Variants in LRRC75A observed in about 807,000 individuals in gnomAD.
LRRC75A encodes leucine rich repeat containing 75A.
LRRC75A carries 12 observed loss-of-function variants against 26.0 expected under a neutral mutation model. The observed-to-expected ratio is 0.46, with a 90% CI of 0.30 to 0.75. The LOEUF is 0.75. Among genes scored for constraint, LRRC75A ranks in the 30% least tolerant of loss-of-function variants. The pLI, the probability that LRRC75A is intolerant of heterozygous loss-of-function variation, is 0.08. For synonymous variants in LRRC75A, 223 were observed against 219.3 expected, an observed-to-expected ratio of 1.02 and a Z score of -0.15; for missense variants, 410 against 486.6, an observed-to-expected ratio of 0.84 and a Z score of 1.48.
intron 1 of LRRC75A, among the ~76,000 whole-genome samples, chr17:16,489,535 A>C: frequency 6.6e-6 from 1 of 152,226 alleles, no homozygotes. Context: ...CTGGAATGGA[A>C]AGGAAAATGC....
chr17:16,491,680 CG>C lies in LRRC75A; in HGVS notation c.246+64del. ...CCGGCTTCCTCGGTTAGGGATGGGG[CG>C]CCCCCCCCGGCCCAGCACGCCCCCT... On this transcript the variant is annotated intron_variant, in intron 1 of 3. Coordinates refer to ENST00000470794, the MANE Select transcript of LRRC75A (RefSeq NM_001113567.3). The surrounding 1 kb of genome is among the most constrained non-coding windows in gnomAD (Gnocchi z 5.9). 1 of 1,162,836 alleles carries C rather than the reference CG, an allele frequency of 8.6e-7. No individual in the cohort carries two copies. The highest frequency in any genetic ancestry group is 1.1e-6 in the Non-Finnish European group (1 of 917,720). The allele number at this position is 1,162,836 out of a possible 1,614,324, so 72.0% of individuals were successfully genotyped here.
At chr17:16,482,370 G>C (rs1232726892) in intron 1 of LRRC75A, among the ~76,000 whole-genome samples, 1 of 152,104 alleles carries the variant, frequency 6.6e-6, no homozygotes, top group Non-Finnish European at 1.5e-5. Flanking sequence ...GCCTGGAGGG[G>C]GCACTGCAGG....
At chr17:16,460,221 C>G (rs2093717028) in intron 2 of LRRC75A, among the ~76,000 whole-genome samples, 1 of 152,212 alleles carries the variant, frequency 6.6e-6, no homozygotes, top group African/African-American at 2.4e-5. Flanking sequence ...AGACTTCCAG[C>G]CTTCAGAAGT....
At chr17:16,479,792 A>G (rs1343573823) in intron 1 of LRRC75A, among the ~76,000 whole-genome samples, 1 of 152,192 alleles carries the variant, frequency 6.6e-6, no homozygotes, top group African/African-American at 2.4e-5. Context: ...TTCCTCCAAC[A>G]CTAGGTCATC....
At chr17:16,473,376 G>A (rs2093812278) in intron 1 of LRRC75A, among the ~76,000 whole-genome samples, 1 of 152,124 alleles carries the variant, frequency 6.6e-6, no homozygotes, top group South Asian at 2.1e-4. Flanking sequence ...TGGACGGCAT[G>A]GGAACCCTGT....
intron 2 of LRRC75A, among the ~76,000 whole-genome samples, chr17:16,458,556 G>T (rs1246923529): frequency 6.6e-6 from 1 of 151,700 alleles, no homozygotes; most frequent in East Asian, 2.0e-4. Context: ...ACCTCCGCCT[G>T]CCGGGTTCCA....
chr17:16,481,346 C>T (rs954314728), intron 1 of LRRC75A, among the ~76,000 whole-genome samples: 6 of 152,150 alleles, frequency 3.9e-5, no homozygotes, highest in Admixed American at 1.3e-4. Flanking sequence ...CTCTCCTGCC[C>T]GCTCACAGGA....
At chr17:16,477,353 G>C (rs1426028473) in intron 1 of LRRC75A, among the ~76,000 whole-genome samples, 1 of 152,252 alleles carries the variant, frequency 6.6e-6, no homozygotes, top group Non-Finnish European at 1.5e-5. Context: ...CCAAGGCCAA[G>C]GCCAGACCTC....
chr17:16,463,014 G>A (rs760852896), intron 1 of LRRC75A: 5 of 153,094 alleles, frequency 3.3e-5, no homozygotes, highest in Admixed American at 6.5e-5. Context: ...GTGGGGCCGC[G>A]GCAGAAACCG....
At chr17:16,476,940 G>A (rs367957425) in intron 1 of LRRC75A, among the ~76,000 whole-genome samples, 258 of 151,492 alleles carry the variant, frequency 1.7e-3, no homozygotes, top group African/African-American at 4.8e-3. Context: ...GGGTTTCACC[G>A]TGTTAGCCAG....
chr17:16,476,951 G>A (rs1040234597), intron 1 of LRRC75A, among the ~76,000 whole-genome samples: 9 of 151,158 alleles, frequency 6.0e-5, no homozygotes, highest in South Asian at 2.1e-4. Context: ...TGTTAGCCAG[G>A]ATGGTCTCAA....
intron 1 of LRRC75A, among the ~76,000 whole-genome samples, chr17:16,490,215 C>G (rs1468614310): frequency 6.6e-6 from 1 of 152,196 alleles, no homozygotes; most frequent in Non-Finnish European, 1.5e-5. Flanking sequence ...CCCCAAAGCA[C>G]CCATTGCAGG....
Position 16,466,632 on chromosome 17 carries a change from G to A in LRRC75A, c.247-4246C>T, listed in dbSNP as rs2093770846. ...GCTGGTGGGGAGTGACGCTCGGAGA[G>A]TGTGGCTGGCCTGACACCGAGTCAC... On this transcript the variant is annotated intron_variant, in intron 1 of 3. Coordinates refer to ENST00000470794, the MANE Select transcript of LRRC75A (RefSeq NM_001113567.3). Among the ~76,000 whole-genome samples the A allele has an allele frequency of 1.3e-5, 2 of 152,188 alleles. 1 individual carries two copies. The highest frequency in any genetic ancestry group is 3.8e-4 in the East Asian group (2 of 5,196).
chr17:16,478,190 T>TC (rs2093825590), intron 1 of LRRC75A, among the ~76,000 whole-genome samples: 1 of 150,182 alleles, frequency 6.7e-6, no homozygotes, highest in East Asian at 1.9e-4. Flanking sequence ...TCTTTTTTTT[T>TC]CTTTTTTTTT....
chr17:16,451,630 A>AAAT (rs1034404669), intron 2 of LRRC75A, among the ~76,000 whole-genome samples: 1 of 118,346 alleles, frequency 8.4e-6, no homozygotes, highest in Admixed American at 9.1e-5. Context: ...TCAAAAAAAA[A>AAAT]AATAATAATA....
At chr17:16,484,229 A>G (rs999136331) in intron 1 of LRRC75A, among the ~76,000 whole-genome samples, 7 of 152,094 alleles carry the variant, frequency 4.6e-5, no homozygotes, top group African/African-American at 1.7e-4. Context: ...CCAGCTACTC[A>G]GGAGGCTGAG....
chr17:16,491,717 G>A lies in LRRC75A; in HGVS notation c.246+28C>T, dbSNP rs868202049. 3 of 1,290,722 alleles carry A rather than the reference G, an allele frequency of 2.3e-6. No homozygotes were observed. Among genetic ancestry groups the A allele is most frequent in the South Asian group, 4.1e-5 (2 of 48,382 alleles). The allele number at this position is 1,290,722 out of a possible 1,614,324, so 80.0% of individuals were successfully genotyped here. ...CCCAGCACGCCCCCTGGCCCGGCGC[G>A]CCCCCCGCGCCCCCTCCCCGCGCTC... On this transcript the variant is annotated intron_variant, in intron 1 of 3. Coordinates refer to ENST00000470794, the MANE Select transcript of LRRC75A (RefSeq NM_001113567.3). The surrounding 1 kb of genome is among the most constrained non-coding windows in gnomAD (Gnocchi z 5.9).
intron 1 of LRRC75A, among the ~76,000 whole-genome samples, chr17:16,469,352 T>C (rs1259828080): frequency 6.6e-6 from 1 of 152,332 alleles, no homozygotes; most frequent in Non-Finnish European, 1.5e-5. Context: ...TTGGGTGGCC[T>C]TTTGTTCTTT....
chr17:16,455,099 A>AT lies in LRRC75A; in HGVS notation c.376-7140dup, dbSNP rs578071630. Among the ~76,000 whole-genome samples, 957 of 151,460 alleles carry AT rather than the reference A, an allele frequency of 6.3e-3. 9 individuals carry two copies. The highest frequency in any genetic ancestry group is 0.022 in the African/African-American group (914 of 41,236). Reference sequence around the variant, plus strand: ...AGGCGCGTGCCACCACGCCCAGCTAATTTTTGTATTTTTAGTAGAGACAGG... The same window carrying AT: ...AGGCGCGTGCCACCACGCCCAGCTAATTTTTTGTATTTTTAGTAGAGACAGG... On this transcript the variant is annotated intron_variant, in intron 2 of 3. Transcript: ENST00000470794.
Sources: gnomAD v4.1 joint callset for allele counts (sites outside exome capture counted in the v4.1 genomes callset) on GRCh38, gnomAD v4.1.1 for gene constraint, Gnocchi (gnomAD v3.1) non-coding constraint, MANE v1.5 for transcripts, NCBI Gene and HGNC (gene_info 2026-07-23, HGNC 2026-07-21) for gene names.